Variants in C12orf42 observed in about 807,000 individuals in gnomAD.
C12orf42 encodes chromosome 12 open reading frame 42.
Under a neutral mutation model 21.6 loss-of-function variants are expected in C12orf42, and 25 were observed. The ratio of observed to expected loss-of-function variants is 1.16; its 90% CI spans 0.84 to 1.62. The LOEUF is 1.62. C12orf42 is among the 40% of genes most tolerant of loss of function. The pLI is 0.00. For missense variants in C12orf42, 483 were observed against 459.3 expected, an observed-to-expected ratio of 1.05 and a Z score of -0.47; for synonymous variants, 174 against 175.0, an observed-to-expected ratio of 0.99 and a Z score of 0.05.
At chr12:103,174,799 C>T in the C12orf42 span, among the ~76,000 whole-genome samples, 142 of 152,188 alleles carry the variant, frequency 9.3e-4, 1 homozygote, top group Non-Finnish European at 1.7e-3. Flanking sequence ...AATTCAGTGA[C>T]TAGTGGGAAG....
At chr12:103,339,966 T>C (rs1305972004) in intron 4 of C12orf42, among the ~76,000 whole-genome samples, 1 of 152,136 alleles carries the variant, frequency 6.6e-6, no homozygotes, top group Non-Finnish European at 1.5e-5. Flanking sequence ...ACAAAAAAAA[T>C]TAGCGTGTCA....
the C12orf42 span, among the ~76,000 whole-genome samples, chr12:103,192,432 G>T: frequency 6.6e-6 from 1 of 151,444 alleles, no homozygotes; most frequent in South Asian, 2.1e-4. Context: ...GAACCTGGGA[G>T]GCAGAGGTTG....
intron 10 of C12orf42, among the ~76,000 whole-genome samples, chr12:103,252,945 C>T (rs752964464): frequency 1.4e-4 from 21 of 151,980 alleles, no homozygotes; most frequent in African/African-American, 4.4e-4. Flanking sequence ...TTAGGTCTTA[C>T]GTTTAAGTCT....
At chr12:103,544,402 T>C in the C12orf42 span, among the ~76,000 whole-genome samples, 3 of 152,212 alleles carry the variant, frequency 2.0e-5, no homozygotes, top group African/African-American at 4.8e-5. Context: ...CTTTTGTAGA[T>C]AGTCTATTGT....
At chr12:103,276,823 C>T (rs1593263642) in intron 5 of C12orf42, among the ~76,000 whole-genome samples, 1 of 152,120 alleles carries the variant, frequency 6.6e-6, no homozygotes, top group African/African-American at 2.4e-5. Flanking sequence ...TAGGAGTTTT[C>T]ATAGTTGTTT....
the C12orf42 span, among the ~76,000 whole-genome samples, chr12:103,078,336 T>A: frequency 2.6e-5 from 4 of 152,162 alleles, no homozygotes; most frequent in Admixed American, 2.6e-4. Context: ...AGCATCAAAG[T>A]TTATGGTTTT....
the C12orf42 span, among the ~76,000 whole-genome samples, chr12:103,182,092 C>G: frequency 2.0e-5 from 3 of 152,068 alleles, no homozygotes; most frequent in South Asian, 6.2e-4. Flanking sequence ...AACTCATGGA[C>G]ACTGAGAATT....
At chr12:103,278,382 CA>C (rs1180029048) in intron 4 of C12orf42, among the ~76,000 whole-genome samples, 7 of 151,894 alleles carry the variant, frequency 4.6e-5, no homozygotes, top group Non-Finnish European at 7.4e-5. Flanking sequence ...GAAAAAAGAG[CA>C]AAAACAAAAA....
At chr12:103,347,704 A>G (rs1309895794) in intron 4 of C12orf42, among the ~76,000 whole-genome samples, 1 of 152,146 alleles carries the variant, frequency 6.6e-6, no homozygotes, top group African/African-American at 2.4e-5. Flanking sequence ...ATTTATATAA[A>G]AAAGAATTGG....
At chr12:103,205,231 G>A in the C12orf42 span, among the ~76,000 whole-genome samples, 28 of 152,200 alleles carry the variant, frequency 1.8e-4, no homozygotes, top group African/African-American at 5.3e-4. Context: ...TGTATAGCCC[G>A]AGTACTAGTT....
At chr12:103,483,298 A>T (rs1954598692) in intron 1 of C12orf42, among the ~76,000 whole-genome samples, 1 of 152,170 alleles carries the variant, frequency 6.6e-6, no homozygotes. Context: ...AACACTGTAC[A>T]TGTGTAGGGG....
rs558960371 is a variant in C12orf42 at position 103,476,547 on chromosome 12, C to T, written c.78+1802G>A. On this transcript the variant is annotated intron_variant, in intron 2 of 5. Transcript: ENST00000548883. Reference sequence around the variant, plus strand: ...TATATCCATCCTGATAGCCAAGAGGCCAAAGGATTGTGCTTGGGCTGTTTC... The same window carrying T: ...TATATCCATCCTGATAGCCAAGAGGTCAAAGGATTGTGCTTGGGCTGTTTC... Among the ~76,000 whole-genome samples, 4 of 152,264 alleles carry T rather than the reference C, an allele frequency of 2.6e-5. No homozygotes were observed. In the South Asian group the frequency reaches 8.3e-4, roughly 32 times the overall value.
At chr12:103,150,302 G>A in the C12orf42 span, among the ~76,000 whole-genome samples, 1 of 152,104 alleles carries the variant, frequency 6.6e-6, no homozygotes, top group Non-Finnish European at 1.5e-5. Flanking sequence ...AATTAAATAG[G>A]CAAAAGCAGA....
chr12:103,251,090 A>C (rs2034277904), intron 10 of C12orf42, among the ~76,000 whole-genome samples: 1 of 152,146 alleles, frequency 6.6e-6, no homozygotes, highest in Non-Finnish European at 1.5e-5. Flanking sequence ...TCACTACTTG[A>C]TATGCTAGGA....
At chr12:103,371,334 A>T (rs2045213732) in intron 3 of C12orf42, among the ~76,000 whole-genome samples, 1 of 152,148 alleles carries the variant, frequency 6.6e-6, no homozygotes, top group South Asian at 2.1e-4. Context: ...AAGGAGGCAG[A>T]GACGGAAGCT....
At chr12:103,184,123 T>A in the C12orf42 span, among the ~76,000 whole-genome samples, 1 of 152,226 alleles carries the variant, frequency 6.6e-6, no homozygotes, top group Admixed American at 6.5e-5. Context: ...GTCTATTAAT[T>A]CTGTCAGTTT....
intron 2 of C12orf42, among the ~76,000 whole-genome samples, chr12:103,415,422 G>A (rs1377888149): frequency 2.0e-5 from 3 of 152,042 alleles, no homozygotes; most frequent in Admixed American, 6.6e-5. Flanking sequence ...ATTGACTAAC[G>A]ATTGGACTTA....
chr12:103,093,757 G>T, the C12orf42 span, among the ~76,000 whole-genome samples: 1 of 152,200 alleles, frequency 6.6e-6, no homozygotes, highest in Non-Finnish European at 1.5e-5. Flanking sequence ...CAATATACAT[G>T]GCCATGCTGG....
intron 4 of C12orf42, among the ~76,000 whole-genome samples, chr12:103,350,801 T>C (rs1442604641): frequency 6.6e-6 from 1 of 152,192 alleles, no homozygotes; most frequent in Non-Finnish European, 1.5e-5. Flanking sequence ...TCTCTCTGTA[T>C]TGTTCAGATT....
Sources: gnomAD v4.1 joint callset for allele counts (sites outside exome capture counted in the v4.1 genomes callset) on GRCh38, gnomAD v4.1.1 for gene constraint, MANE v1.5 for transcripts, NCBI Gene and HGNC (gene_info 2026-07-23, HGNC 2026-07-21) for gene names.